The following MAPKAPK5 variants were observed in gnomAD, a reference collection of about 807,000 sequenced individuals.
MAPKAPK5 encodes MAPK activated protein kinase 5, also known as MAP kinase-activated protein kinase 5.
In MAPKAPK5, 30 loss-of-function variants were observed where a neutral mutation model predicts 65.1. That is an observed-to-expected ratio of 0.46 (90% confidence interval 0.34 to 0.63). MAPKAPK5 has a LOEUF of 0.63. Among genes scored for constraint, MAPKAPK5 ranks in the 20% least tolerant of loss-of-function variants. The probability of loss-of-function intolerance (pLI) is 0.01; values close to 1 mark genes in which losing one functional copy is unlikely to be tolerated. For synonymous variants in MAPKAPK5, 179 were observed against 204.6 expected, an observed-to-expected ratio of 0.87 and a Z score of 1.07; for missense variants, 433 against 581.4, an observed-to-expected ratio of 0.74 and a Z score of 2.63.
intron 3 of MAPKAPK5, among the ~76,000 whole-genome samples, chr12:111,867,181 G>C (rs532210571): frequency 6.6e-6 from 1 of 152,202 alleles, no homozygotes; most frequent in East Asian, 1.9e-4. Flanking sequence ...ATCCACTTTG[G>C]CCTCCCAAAG....
At chr12:111,868,301 C>T (rs943166095) in intron 4 of MAPKAPK5, among the ~76,000 whole-genome samples, 4 of 152,116 alleles carry the variant, frequency 2.6e-5, no homozygotes, top group Non-Finnish European at 5.9e-5. Flanking sequence ...GGACAGGCAT[C>T]CCTAAAATAT....
intron 1 of MAPKAPK5, among the ~76,000 whole-genome samples, chr12:111,863,631 A>C (rs927016364): frequency 7.5e-6 from 1 of 132,484 alleles, no homozygotes; most frequent in African/African-American, 2.8e-5. Flanking sequence ...TTTGAGATGG[A>C]GTTTTGCTCT....
In MAPKAPK5 at chr12:111,894,066, G is replaced by C. The variant is rs961337909; in HGVS notation, c.*1005G>C. On this transcript the variant is annotated 3_prime_UTR_variant, in exon 14 of 14. Transcript: ENST00000550735. ...TTGTTTGTTTGTTTGTTTTGAGATGGAGTCTTGCTCTTATCACCCAGGGTG... is the reference window on the plus strand; with the variant it reads ...TTGTTTGTTTGTTTGTTTTGAGATGCAGTCTTGCTCTTATCACCCAGGGTG... The C allele has an allele frequency of 8.9e-5, 14 of 158,126 alleles. No individual in the cohort carries two copies. Among genetic ancestry groups the C allele is most frequent in the African/African-American group, 3.1e-4 (13 of 41,418 alleles). 9.8% of individuals were successfully genotyped at this position (158,126 alleles called of 1,614,324 possible).
At position 111,896,669 on chromosome 12, in the gene MAPKAPK5, C is replaced by T. The variant is rs1392194860; in HGVS notation, c.*3608C>T. 1 of 152,160 alleles carries T rather than the reference C, an allele frequency of 6.6e-6. No homozygotes were observed. The highest frequency in any genetic ancestry group is 1.5e-5 in the Non-Finnish European group (1 of 68,028). 9.4% of individuals were successfully genotyped at this position (152,160 alleles called of 1,614,324 possible). A position where few individuals can be genotyped will look rare whatever the true frequency, so the allele number is the denominator to read the frequency against. On this transcript the variant is annotated 3_prime_UTR_variant, in exon 14 of 14. Transcript: ENST00000550735. ...CAGCAGGTTATGCTCTCCTGTTTGCCTACATGATTTATTAACCTTCTGCTT... is the reference window on the plus strand; with the variant it reads ...CAGCAGGTTATGCTCTCCTGTTTGCTTACATGATTTATTAACCTTCTGCTT...
At position 111,867,620 on chromosome 12, in the gene MAPKAPK5, A is replaced by G; in HGVS notation, c.235A>G (p.Ile79Val). ...CACACACCCAAACATAGTTCAGATT[A>G]TTGAAGTGTTTGCTAACAGTGTCCA... ...CATHPNIVQI[I>V]EVFANSVQFP... Residue 79 changes from isoleucine to valine, a missense_variant, in exon 4 of 14, where the codon ATT becomes GTT. Coordinates refer to ENST00000550735, the MANE Select transcript of MAPKAPK5 (RefSeq NM_003668.4). The G allele has an allele frequency of 6.2e-7, 1 of 1,613,978 alleles. No homozygotes were observed. The highest frequency in any genetic ancestry group is 8.5e-7 in the Non-Finnish European group (1 of 1,179,880).
intron 2 of MAPKAPK5, 132 bp downstream of exon 2, chr12:111,865,455 T>C: frequency 4.5e-6 from 3 of 662,072 alleles, no homozygotes; most frequent in Non-Finnish European, 7.9e-6. Context: ...ATTTAACAAG[T>C]ACAGGTTTTT....
chr12:111,848,862 T>C (rs981294673), intron 1 of MAPKAPK5, among the ~76,000 whole-genome samples: 1 of 152,154 alleles, frequency 6.6e-6, no homozygotes, highest in Non-Finnish European at 1.5e-5. Context: ...CCTAAGTAGC[T>C]GGGATTACAG....
rs765811294 is a variant in MAPKAPK5, at chr12:111,900,738, CCTT to C, written c.*7680_*7682del. On this transcript the variant is annotated 3_prime_UTR_variant, in exon 14 of 14. Transcript: ENST00000550735. ...TCACCGTAAGGGATATCCTTGCTGT[CCTT>C]CTAGTCGTTCCTGTGATCTCCCAGA... 8 of 455,954 alleles carry C rather than the reference CCTT, an allele frequency of 1.8e-5. No individual in the cohort carries two copies. Among genetic ancestry groups the C allele is most frequent in the Non-Finnish European group, 2.6e-5 (6 of 226,796 alleles). The allele number at this position is 455,954 out of a possible 1,614,324, so 28.2% of individuals were successfully genotyped here.
At position 111,868,930 on chromosome 12, in the gene MAPKAPK5, G is replaced by T. The variant is rs540742314; in HGVS notation, c.393+69G>T. The T allele has an allele frequency of 2.2e-5, 26 of 1,170,320 alleles. No individual in the cohort carries two copies. The African/African-American group carries it at 2.3e-4, about 11-fold the overall frequency. The allele number at this position is 1,170,320 out of a possible 1,614,324, so 72.5% of individuals were successfully genotyped here. A position where few individuals can be genotyped will look rare whatever the true frequency, so the allele number is the denominator to read the frequency against. On this transcript the variant is annotated intron_variant, in intron 5 of 13. Transcript: ENST00000550735. ...TTAACAAGCACAATTTCATTGGGGGGAAGAAAAGAAAACTTAAAGAAAAGC... is the reference window on the plus strand; with the variant it reads ...TTAACAAGCACAATTTCATTGGGGGTAAGAAAAGAAAACTTAAAGAAAAGC...
At position 111,900,219 on chromosome 12, in the gene MAPKAPK5, G is replaced by A. The variant is rs1361274830; in HGVS notation, c.*7158G>A. The A allele has an allele frequency of 6.6e-6, 3 of 456,018 alleles. No individual in the cohort carries two copies. Among genetic ancestry groups the A allele is most frequent in the Admixed American group, 4.7e-5 (2 of 42,572 alleles). The allele number at this position is 456,018 out of a possible 1,614,324, so 28.2% of individuals were successfully genotyped here. On this transcript the variant is annotated 3_prime_UTR_variant, in exon 14 of 14. Transcript: ENST00000550735. ...GCTCTTCCATCGTGCAAAACACGAT[G>A]TTGCCCACATGATCGTTGGGCATCA...
chr12:111,853,512 C>A (rs1480696261), intron 1 of MAPKAPK5, among the ~76,000 whole-genome samples: 1 of 151,786 alleles, frequency 6.6e-6, no homozygotes, highest in African/African-American at 2.4e-5. Flanking sequence ...CTTATAGATC[C>A]CTTAGGATTT....
intron 7 of MAPKAPK5, among the ~76,000 whole-genome samples, chr12:111,874,390 C>T (rs1278739366): frequency 9.1e-5 from 13 of 143,242 alleles, no homozygotes; most frequent in Middle Eastern, 3.7e-3. Context: ...AGTGAAACTG[C>T]GTCTCAAAAA....
intron 1 of MAPKAPK5, 95 bp from the exon 2 acceptor site, chr12:111,865,155 G>A: frequency 2.7e-6 from 2 of 735,340 alleles, no homozygotes; most frequent in Admixed American, 2.2e-5. Context: ...AAGATGAGCT[G>A]TTGAGTGACA....
Position 111,890,015 on chromosome 12 carries a change from A to G in MAPKAPK5, c.1217-25A>G, listed in dbSNP as rs1411712005. ...CCCATGATGCTGCAGGAAAAATGCAAATTCCTCTTCATCCTTACCAATAGG... is the reference window on the plus strand; with the variant it reads ...CCCATGATGCTGCAGGAAAAATGCAGATTCCTCTTCATCCTTACCAATAGG... On this transcript the variant is annotated intron_variant, in intron 12 of 13. Transcript: ENST00000550735. The G allele has an allele frequency of 2.7e-6, 4 of 1,482,360 alleles. No individual in the cohort carries two copies. The African/African-American group carries it at 5.6e-5, about 21-fold the overall frequency. The allele number at this position is 1,482,360 out of a possible 1,614,324, so 91.8% of individuals were successfully genotyped here.
intron 6 of MAPKAPK5, 26 bp from the exon 7 acceptor site, chr12:111,871,059 G>T: frequency 6.3e-7 from 1 of 1,579,136 alleles, no homozygotes; most frequent in Non-Finnish European, 8.7e-7. Flanking sequence ...CTCTGGAGCA[G>T]TGACTCCTTT....
intron 8 of MAPKAPK5, 99 bp downstream of exon 8, chr12:111,880,626 C>A: frequency 1.0e-6 from 1 of 990,228 alleles, no homozygotes; most frequent in Non-Finnish European, 1.6e-6. Context: ...TCCTTTCTCA[C>A]CCCTTAATAT....
intron 1 of MAPKAPK5, among the ~76,000 whole-genome samples, chr12:111,856,392 CTTCTTTTTTTTTCT>C (rs935022344): frequency 1.5e-4 from 4 of 26,904 alleles, no homozygotes; most frequent in African/African-American, 4.4e-4. Flanking sequence ...TTGTCTCCCT[CTTCTTTTTTTTTCT>C]TTCTTTTTTT....
chr12:111,865,450 A>G, intron 2 of MAPKAPK5, 127 bp downstream of exon 2: 1 of 684,692 alleles, frequency 1.5e-6, no homozygotes, highest in Non-Finnish European at 2.6e-6. Context: ...GCTGAATTTA[A>G]CAAGTACAGG....
intron 1 of MAPKAPK5, among the ~76,000 whole-genome samples, chr12:111,860,428 C>T (rs1593139961): frequency 6.6e-6 from 1 of 152,178 alleles, no homozygotes; most frequent in Non-Finnish European, 1.5e-5. Context: ...AGGATTTTCC[C>T]ATTAAATCTC....
Sources: gnomAD v4.1 joint callset for allele counts (sites outside exome capture counted in the v4.1 genomes callset) on GRCh38, gnomAD v4.1.1 for gene constraint, MANE v1.5 for transcripts, NCBI Gene and HGNC (gene_info 2026-07-23, HGNC 2026-07-21) for gene names.